HIVEP3: variants seen among roughly 807,000 people sequenced by gnomAD.
The protein encoded by HIVEP3 is transcription factor HIVEP3.
Under a neutral mutation model 152.8 loss-of-function variants are expected in HIVEP3, and 49 were observed. That is an observed-to-expected ratio of 0.32 (90% CI 0.26 to 0.41). The LOEUF (loss-of-function observed/expected upper bound fraction) is 0.41, where lower values mean the gene tolerates loss of function less well. HIVEP3 is among the 10% of genes least tolerant of loss of function. HIVEP3 has a pLI of 1.00. For synonymous variants in HIVEP3, 1,269 were observed against 1,289.0 expected, an observed-to-expected ratio of 0.98 and a Z score of 0.33; for missense variants, 2,790 against 3,103.3, an observed-to-expected ratio of 0.90 and a Z score of 2.40.
At chr1:41,737,331 T>G (rs941458687) in intron 1 of HIVEP3, among the ~76,000 whole-genome samples, 1 of 152,192 alleles carries the variant, frequency 6.6e-6, no homozygotes, top group African/African-American at 2.4e-5. Flanking sequence ...CTCTTGCCGT[T>G]CCCACTGCCC....
At chr1:41,834,243 T>C (rs527281920) in intron 1 of HIVEP3, among the ~76,000 whole-genome samples, 9 of 152,234 alleles carry the variant, frequency 5.9e-5, no homozygotes, top group African/African-American at 2.2e-4. Context: ...TCCATCTCTC[T>C]GCAGAGACCA....
At chr1:41,846,520 C>T (rs1296952202) in intron 1 of HIVEP3, among the ~76,000 whole-genome samples, 1 of 152,226 alleles carries the variant, frequency 6.6e-6, no homozygotes, top group Non-Finnish European at 1.5e-5. Flanking sequence ...TGAGGATGAC[C>T]ACAAGCAAGC....
chr1:41,524,248 G>A (rs2149052259), intron 6 of HIVEP3, among the ~76,000 whole-genome samples: 1 of 152,312 alleles, frequency 6.6e-6, no homozygotes, highest in East Asian at 1.9e-4. Context: ...TGGGAGTGGA[G>A]AGGTGGGTGG....
Position 41,918,640 on chromosome 1 carries a change from G to A in HIVEP3, c.-1028C>T, listed in dbSNP as rs540739984. On this transcript the variant is annotated 5_prime_UTR_variant, in exon 1 of 9. Coordinates refer to ENST00000372583, the MANE Select transcript of HIVEP3 (RefSeq NM_024503.5). The surrounding 1 kb of genome is among the most constrained non-coding windows in gnomAD (Gnocchi z 4.3). ...TGTTTGTATACACACATATGCACAC[G>A]GAATAGCCATGTACATTGAAGCACC... The A allele has an allele frequency of 6.6e-6, 1 of 152,164 alleles. No individual in the cohort carries two copies. The highest frequency in any genetic ancestry group is 1.9e-4 in the East Asian group (1 of 5,180). 9.4% of individuals were successfully genotyped at this position (152,164 alleles called of 1,614,324 possible).
At chr1:41,796,928 C>G (rs1650017851) in intron 1 of HIVEP3, among the ~76,000 whole-genome samples, 1 of 152,170 alleles carries the variant, frequency 6.6e-6, no homozygotes, top group Non-Finnish European at 1.5e-5. Context: ...TAGTTTCTGT[C>G]CTTTCTTTTC....
At chr1:42,021,799 C>A (rs548838958) in intron 1 of HIVEP3, among the ~76,000 whole-genome samples, 5 of 152,254 alleles carry the variant, frequency 3.3e-5, no homozygotes, top group African/African-American at 9.6e-5. Flanking sequence ...TTTCTGAATT[C>A]TTTACTCTGC....
At chr1:41,966,729 C>T (rs1645200925) in intron 1 of HIVEP3, among the ~76,000 whole-genome samples, 1 of 151,554 alleles carries the variant, frequency 6.6e-6, no homozygotes. Flanking sequence ...GATCCACCCT[C>T]CTAAGCCTCC....
chr1:41,910,110 A>G (rs1644772971), intron 1 of HIVEP3, among the ~76,000 whole-genome samples: 1 of 152,042 alleles, frequency 6.6e-6, no homozygotes, highest in Non-Finnish European at 1.5e-5. Context: ...TTCATAAACT[A>G]GAAAACAAAA....
chr1:41,689,234 T>C (rs770493542), intron 2 of HIVEP3, among the ~76,000 whole-genome samples: 144 of 152,232 alleles, frequency 9.5e-4, no homozygotes, highest in Non-Finnish European at 8.1e-4. Flanking sequence ...AGCTAGATTG[T>C]CTGTTGTGAC....
chr1:42,032,071 T>C (rs1374832383), intron 1 of HIVEP3, among the ~76,000 whole-genome samples: 2 of 152,182 alleles, frequency 1.3e-5, no homozygotes, highest in Admixed American at 6.5e-5. Context: ...AGCACCTATT[T>C]AACAGGTGTC....
intron 1 of HIVEP3, among the ~76,000 whole-genome samples, chr1:41,755,768 A>G (rs894512855): frequency 2.0e-5 from 3 of 152,258 alleles, no homozygotes; most frequent in African/African-American, 4.8e-5. Context: ...TAAAACTACA[A>G]TAAAATACCC....
intron 2 of HIVEP3, among the ~76,000 whole-genome samples, chr1:41,671,495 G>T (rs1053454648): frequency 3.9e-5 from 6 of 152,206 alleles, no homozygotes; most frequent in African/African-American, 1.4e-4. Flanking sequence ...CATGGGGAAG[G>T]CCTCAGGAGC....
intron 1 of HIVEP3, among the ~76,000 whole-genome samples, chr1:41,937,286 T>C (rs1645024516): frequency 6.6e-6 from 1 of 152,316 alleles, no homozygotes; most frequent in African/African-American, 2.4e-5. Flanking sequence ...GGGTACAGCA[T>C]GCAATTTGGT....
chr1:41,529,244 A>ACC (rs1643151086), intron 5 of HIVEP3, among the ~76,000 whole-genome samples: 1 of 57,738 alleles, frequency 1.7e-5, no homozygotes. Flanking sequence ...TCACACCCCC[A>ACC]CTCACACTTA....
rs1029898711 is a variant in HIVEP3, at chr1:41,662,822, G to C, written c.-720-33875C>G. On this transcript the variant is annotated intron_variant, in intron 2 of 8. Coordinates refer to ENST00000372583, the MANE Select transcript of HIVEP3 (RefSeq NM_024503.5). This position sits in a 1 kb window ranked among gnomAD's most constrained non-coding sequence, Gnocchi z 7.2. Reference sequence around the variant, plus strand: ...GCCCTGCCACTCTGCGCCACGCCTTGGTCGCACCCGGGCCCAGCGGGAGTC... The same window carrying C: ...GCCCTGCCACTCTGCGCCACGCCTTCGTCGCACCCGGGCCCAGCGGGAGTC... Among the ~76,000 whole-genome samples the C allele has an allele frequency of 1.3e-5, 2 of 152,126 alleles. No homozygotes were observed. Among genetic ancestry groups the C allele is most frequent in the Non-Finnish European group, 2.9e-5 (2 of 67,966 alleles).
chr1:41,526,555 ACC>A (rs1558027607), intron 5 of HIVEP3, among the ~76,000 whole-genome samples: 10 of 44,900 alleles, frequency 2.2e-4, no homozygotes, highest in African/African-American at 8.6e-4. Flanking sequence ...ACTCACCCTC[ACC>A]CTCACACACC....
chr1:41,872,599 CT>C (rs1201853132), intron 1 of HIVEP3, among the ~76,000 whole-genome samples: 2 of 152,160 alleles, frequency 1.3e-5, no homozygotes, highest in East Asian at 3.8e-4. Context: ...GACATTCCCC[CT>C]ATAGATTAGT....
At chr1:41,619,966 A>G (rs1452680994) in intron 3 of HIVEP3, among the ~76,000 whole-genome samples, 1 of 152,164 alleles carries the variant, frequency 6.6e-6, no homozygotes, top group Non-Finnish European at 1.5e-5. Context: ...CTCCATCTCC[A>G]TGTTTCAAGC....
At chr1:41,748,947 AGT>A (rs1316147328) in intron 1 of HIVEP3, among the ~76,000 whole-genome samples, 1 of 152,164 alleles carries the variant, frequency 6.6e-6, no homozygotes, top group African/African-American at 2.4e-5. Flanking sequence ...CTGGGCTCAG[AGT>A]GTGTGTGCCT....
Sources: gnomAD v4.1 joint callset for allele counts (sites outside exome capture counted in the v4.1 genomes callset) on GRCh38, gnomAD v4.1.1 for gene constraint, Gnocchi (gnomAD v3.1) non-coding constraint, MANE v1.5 for transcripts, NCBI Gene and HGNC (gene_info 2026-07-23, HGNC 2026-07-21) for gene names.